TMEM132D: variants seen among roughly 807,000 people sequenced by gnomAD.
The protein encoded by TMEM132D is transmembrane protein 132D, also known as mature OL transmembrane protein.
A neutral mutation model predicts 62.3 loss-of-function variants in TMEM132D; 21 were observed. That is an observed-to-expected ratio of 0.34 (90% confidence interval 0.24 to 0.49). TMEM132D has a LOEUF of 0.49. TMEM132D is among the 20% of genes least tolerant of loss of function. The pLI is 0.99. For missense variants in TMEM132D, 1,346 were observed against 1,402.8 expected, an observed-to-expected ratio of 0.96 and a Z score of 0.65; for synonymous variants, 621 against 575.6, an observed-to-expected ratio of 1.08 and a Z score of -1.13.
chr12:129,589,569 C>G (rs1348672679), intron 2 of TMEM132D, among the ~76,000 whole-genome samples: 1 of 152,050 alleles, frequency 6.6e-6, no homozygotes, highest in Non-Finnish European at 1.5e-5. Context: ...CCGTGTAGAC[C>G]CCCACACATA....
chr12:129,743,179 C>T (rs911924310), intron 1 of TMEM132D, among the ~76,000 whole-genome samples: 15 of 152,246 alleles, frequency 9.9e-5, no homozygotes, highest in African/African-American at 2.9e-4. Context: ...CTCTGTAGTA[C>T]TGGAAAATTC....
At chr12:129,191,753 CACACACACAGA>C (rs1352968581) in intron 5 of TMEM132D, among the ~76,000 whole-genome samples, 2 of 150,418 alleles carry the variant, frequency 1.3e-5, no homozygotes, top group Non-Finnish European at 3.0e-5. Context: ...ATGAACCATA[CACACACACAGA>C]ACACACACAC....
At chr12:129,551,195 G>T (rs1876885408) in intron 2 of TMEM132D, among the ~76,000 whole-genome samples, 1 of 152,338 alleles carries the variant, frequency 6.6e-6, no homozygotes, top group Non-Finnish European at 1.5e-5. Flanking sequence ...GTGGAGTAGA[G>T]GCATCTACTA....
At chr12:129,536,018 A>G (rs1272976515) in intron 2 of TMEM132D, among the ~76,000 whole-genome samples, 2 of 152,208 alleles carry the variant, frequency 1.3e-5, no homozygotes, top group Admixed American at 1.3e-4. Flanking sequence ...GCTTTAATCA[A>G]TAACTGACTG....
intron 4 of TMEM132D, among the ~76,000 whole-genome samples, chr12:129,327,932 C>T (rs952051726): frequency 6.6e-6 from 1 of 152,218 alleles, no homozygotes; most frequent in South Asian, 2.1e-4. Context: ...CTACCCTGAA[C>T]TCATCTCCTT....
At chr12:129,522,072 T>C (rs575864932) in intron 3 of TMEM132D, among the ~76,000 whole-genome samples, 1 of 152,298 alleles carries the variant, frequency 6.6e-6, no homozygotes, top group Admixed American at 6.5e-5. Flanking sequence ...TAAGTAGGAA[T>C]CTAAAGTCAT....
chr12:129,109,284 C>G (rs1267594541), intron 5 of TMEM132D, among the ~76,000 whole-genome samples: 5 of 152,314 alleles, frequency 3.3e-5, no homozygotes, highest in Middle Eastern at 3.4e-3. Flanking sequence ...TGTTCCAGCT[C>G]CTTCACTCTC....
At chr12:129,518,443 T>G (rs1028610606) in intron 3 of TMEM132D, among the ~76,000 whole-genome samples, 12 of 152,064 alleles carry the variant, frequency 7.9e-5, no homozygotes, top group African/African-American at 2.9e-4. Flanking sequence ...TCAGTCACAA[T>G]TTCACTGTTA....
At chr12:129,202,013 A>C (rs548868865) in intron 5 of TMEM132D, among the ~76,000 whole-genome samples, 3 of 26,522 alleles carry the variant, frequency 1.1e-4, no homozygotes, top group African/African-American at 2.8e-4. Flanking sequence ...TGCCTTCTTG[A>C]AAAAAAAAAT....
chr12:129,828,782 A>G (rs200376472), intron 1 of TMEM132D, among the ~76,000 whole-genome samples: 11 of 43,532 alleles, frequency 2.5e-4, no homozygotes, highest in African/African-American at 6.1e-4. Context: ...GAGGAAGAAA[A>G]GGAGGGAGGG....
intron 2 of TMEM132D, among the ~76,000 whole-genome samples, chr12:129,657,327 A>G (rs1435838993): frequency 1.3e-5 from 2 of 152,170 alleles, no homozygotes; most frequent in African/African-American, 4.8e-5. Context: ...TCAGGGAACA[A>G]TGGGATAGGA....
At chr12:129,781,316 C>G (rs1436803885) in intron 1 of TMEM132D, among the ~76,000 whole-genome samples, 1 of 152,130 alleles carries the variant, frequency 6.6e-6, no homozygotes, top group Non-Finnish European at 1.5e-5. Flanking sequence ...CCCAATCAGA[C>G]AGGCACTGCA....
chr12:129,339,605 C>T (rs1869402839), intron 3 of TMEM132D, among the ~76,000 whole-genome samples: 1 of 152,110 alleles, frequency 6.6e-6, no homozygotes, highest in African/African-American at 2.4e-5. Context: ...GAAAAGAATG[C>T]CACTGTCTCT....
intron 4 of TMEM132D, among the ~76,000 whole-genome samples, chr12:129,280,327 C>A (rs575766859): frequency 1.3e-5 from 2 of 152,248 alleles, no homozygotes; most frequent in African/African-American, 4.8e-5. Context: ...AGATTCTGAT[C>A]TATAAAACAT....
intron 4 of TMEM132D, among the ~76,000 whole-genome samples, chr12:129,267,732 C>T (rs1880734781): frequency 6.6e-6 from 1 of 152,170 alleles, no homozygotes; most frequent in Admixed American, 6.5e-5. Flanking sequence ...CCAAGTCAAT[C>T]CTAAGTCAAA....
intron 1 of TMEM132D, among the ~76,000 whole-genome samples, chr12:129,712,404 G>A (rs932287077): frequency 2.6e-5 from 4 of 152,316 alleles, no homozygotes; most frequent in South Asian, 2.1e-4. Context: ...GATTACCGGC[G>A]TGAGCCACTG....
chr12:129,821,542 T>A (rs1411754418), intron 1 of TMEM132D, among the ~76,000 whole-genome samples: 2 of 152,182 alleles, frequency 1.3e-5, no homozygotes, highest in Non-Finnish European at 2.9e-5. Context: ...ACGTAAGGAT[T>A]TCCCACAGGG....
chr12:129,903,221 G>T lies in TMEM132D; in HGVS notation c.79+40C>A. ...ACACTCCCACACACTCACTCCAGGC[G>T]AAGTTAGTCCCCGGGCCCTGGCGGC... On this transcript the variant is annotated intron_variant, in intron 1 of 8. Transcript: ENST00000422113. The surrounding 1 kb of genome is among the most constrained non-coding windows in gnomAD (Gnocchi z 6.2). 1 of 1,548,996 alleles carries T rather than the reference G, an allele frequency of 6.5e-7. No individual in the cohort carries two copies. The highest frequency in any genetic ancestry group is 8.7e-7 in the Non-Finnish European group (1 of 1,144,830).
At chr12:129,307,356 T>C (rs987781037) in intron 4 of TMEM132D, among the ~76,000 whole-genome samples, 1 of 152,162 alleles carries the variant, frequency 6.6e-6, no homozygotes, top group African/African-American at 2.4e-5. Context: ...TTACTATTTT[T>C]TCAACATCAC....
Sources: gnomAD v4.1 joint callset for allele counts (sites outside exome capture counted in the v4.1 genomes callset) on GRCh38, gnomAD v4.1.1 for gene constraint, Gnocchi (gnomAD v3.1) non-coding constraint, MANE v1.5 for transcripts, NCBI Gene and HGNC (gene_info 2026-07-23, HGNC 2026-07-21) for gene names.